The following VPS13B variants were observed in gnomAD, a reference collection of about 807,000 sequenced individuals.
VPS13B encodes the protein intermembrane lipid transfer protein VPS13B.
In VPS13B, 285 loss-of-function variants were observed where a neutral mutation model predicts 426.4. That is an observed-to-expected ratio of 0.67 (90% confidence interval 0.61 to 0.74). VPS13B has a LOEUF of 0.74. VPS13B is among the 30% of genes least tolerant of loss of function. VPS13B has a pLI of 0.00. For missense variants in VPS13B, 4,537 were observed against 4,782.6 expected (o/e 0.95, Z 1.51); for synonymous variants, 1,676 against 1,676.4 (o/e 1.00, Z 0.01).
intron 19 of VPS13B, among the ~76,000 whole-genome samples, chr8:99,279,302 T>A (rs1226759045): frequency 1.3e-5 from 2 of 152,186 alleles, no homozygotes; most frequent in Non-Finnish European, 2.9e-5. Flanking sequence ...ATTATTATTA[T>A]TTTTTAGACA....
At chr8:99,437,101 A>G (rs145875583) in intron 22 of VPS13B, among the ~76,000 whole-genome samples, 19 of 152,308 alleles carry the variant, frequency 1.2e-4, no homozygotes, top group Admixed American at 2.6e-4. Context: ...CCTGCAAGTT[A>G]TCATCAGATA....
intron 58 of VPS13B, among the ~76,000 whole-genome samples, chr8:99,867,250 C>T (rs1456714575): frequency 2.7e-5 from 4 of 150,038 alleles, no homozygotes; most frequent in Admixed American, 6.6e-5. Context: ...CACTCCATCA[C>T]GAAAAAAAAA....
chr8:99,677,148 T>C (rs1404351370), intron 35 of VPS13B, among the ~76,000 whole-genome samples: 2 of 152,208 alleles, frequency 1.3e-5, no homozygotes, highest in Non-Finnish European at 2.9e-5. Flanking sequence ...CTAATTTTAA[T>C]AATTTATTTC....
intron 30 of VPS13B, among the ~76,000 whole-genome samples, chr8:99,537,451 C>T (rs1027104711): frequency 5.3e-5 from 8 of 152,068 alleles, no homozygotes; most frequent in African/African-American, 1.9e-4. Context: ...ATATACAATG[C>T]GAAAACATCT....
At position 99,424,631 on chromosome 8, in the gene VPS13B, A is replaced by G. The variant is rs1485636233; in HGVS notation, c.3083-6906A>G. 5.9e-5 allele frequency: 9 copies of G among 152,214 alleles called. 1 individual carries two copies. The highest frequency in any genetic ancestry group is 5.9e-4 in the Admixed American group (9 of 15,278). 9.4% of individuals were successfully genotyped at this position (152,214 alleles called of 1,614,324 possible). A position where few individuals can be genotyped will look rare whatever the true frequency, so the allele number is the denominator to read the frequency against. Reference sequence around the variant, plus strand: ...AGGAAAGATCTAAAATTGACACCCTAACATCACAATTAAAAGAACTAGAGA... The same window carrying G: ...AGGAAAGATCTAAAATTGACACCCTGACATCACAATTAAAAGAACTAGAGA... On this transcript the variant is annotated intron_variant, in intron 21 of 61. Transcript: ENST00000357162.
At chr8:99,620,986 C>CA (rs397892235) in intron 33 of VPS13B, among the ~76,000 whole-genome samples, 1,292 of 49,914 alleles carry the variant, frequency 0.026, 14 homozygotes, top group Non-Finnish European at 0.032. Flanking sequence ...AACTCCATCT[C>CA]AAAAAAAAAA....
chr8:99,262,765 T>A (rs182386302), intron 17 of VPS13B, among the ~76,000 whole-genome samples: 20 of 141,012 alleles, frequency 1.4e-4, no homozygotes, highest in Non-Finnish European at 2.9e-4. Context: ...ATGTTTTGGA[T>A]GGTCTGTTGT....
chr8:99,864,325 G>C (rs1044299049), intron 58 of VPS13B, among the ~76,000 whole-genome samples: 6 of 152,178 alleles, frequency 3.9e-5, no homozygotes, highest in African/African-American at 1.4e-4. Flanking sequence ...AAAGCAAGTG[G>C]ATTGCTTGAG....
At chr8:99,501,240 C>T (rs924664713) in intron 25 of VPS13B, among the ~76,000 whole-genome samples, 9 of 152,018 alleles carry the variant, frequency 5.9e-5, no homozygotes, top group African/African-American at 2.2e-4. Flanking sequence ...TAGTAAATAC[C>T]TTTGGACTTT....
intron 21 of VPS13B, among the ~76,000 whole-genome samples, chr8:99,410,624 T>G (rs1483252001): frequency 6.6e-6 from 1 of 152,000 alleles, no homozygotes. Flanking sequence ...GAATGTTTGT[T>G]ACATAGGTAT....
At chr8:99,204,395 C>G (rs1320665221) in intron 17 of VPS13B, among the ~76,000 whole-genome samples, 1 of 152,120 alleles carries the variant, frequency 6.6e-6, no homozygotes, top group Non-Finnish European at 1.5e-5. Flanking sequence ...AGACCTAAAA[C>G]CACAAAAACC....
chr8:99,790,434 A>C (rs1812482201), intron 43 of VPS13B, among the ~76,000 whole-genome samples: 1 of 152,170 alleles, frequency 6.6e-6, no homozygotes, highest in Non-Finnish European at 1.5e-5. Flanking sequence ...GCGTTTAAAT[A>C]TATACATTCT....
At chr8:99,741,316 T>G (rs1809712175) in intron 39 of VPS13B, among the ~76,000 whole-genome samples, 1 of 152,128 alleles carries the variant, frequency 6.6e-6, no homozygotes. Flanking sequence ...GCACCCAGAT[T>G]CATAAAGCAA....
chr8:99,254,429 C>T (rs908993960), intron 17 of VPS13B, among the ~76,000 whole-genome samples: 2 of 151,726 alleles, frequency 1.3e-5, no homozygotes, highest in Admixed American at 6.6e-5. Flanking sequence ...CCCCTCTATA[C>T]ATAAGGTGTA....
chr8:99,568,298 TA>T (rs200257163), intron 31 of VPS13B, among the ~76,000 whole-genome samples: 4,810 of 149,022 alleles, frequency 0.032, 117 homozygotes, highest in East Asian at 0.074. Context: ...TTATTATTAT[TA>T]TTTTTTTTTG....
At chr8:99,248,323 T>G (rs1365671802) in intron 17 of VPS13B, among the ~76,000 whole-genome samples, 2 of 152,166 alleles carry the variant, frequency 1.3e-5, no homozygotes, top group African/African-American at 4.8e-5. Flanking sequence ...TCCCCAAAAT[T>G]TCTTTCAATG....
Position 99,552,651 on chromosome 8 carries a change from A to G in VPS13B, c.4746-3799A>G, listed in dbSNP as rs146840060. On this transcript the variant is annotated intron_variant, in intron 30 of 61. Coordinates refer to ENST00000357162, the MANE Select transcript of VPS13B (RefSeq NM_152564.5). ...TTGATAAATTACCTTGTCCATTTCT[A>G]CATGAGCATAAGGAGAACTGTTGCT... 3.5e-3 allele frequency among the ~76,000 whole-genome samples: 526 copies of G among 151,678 alleles called. 3 individuals are homozygous for G. The highest frequency in any genetic ancestry group is 0.012 in the African/African-American group (499 of 41,428).
chr8:99,219,536 G>C lies in VPS13B; in HGVS notation c.2515+26479G>C, dbSNP rs191017571. Among the ~76,000 whole-genome samples the C allele has an allele frequency of 7.9e-5, 12 of 152,358 alleles. No individual in the cohort carries two copies. In the East Asian group the frequency reaches 2.3e-3, roughly 29 times the overall value. On this transcript the variant is annotated intron_variant, in intron 17 of 61. Coordinates refer to ENST00000357162, the MANE Select transcript of VPS13B (RefSeq NM_152564.5). ...ATGAATGGAGATTTATTGGATCATA[G>C]TTCTGGAGGCTGAGAGGTCAAATAT...
intron 19 of VPS13B, among the ~76,000 whole-genome samples, chr8:99,276,842 A>G (rs1201717728): frequency 6.6e-6 from 1 of 152,154 alleles, no homozygotes; most frequent in East Asian, 1.9e-4. Flanking sequence ...TTCAGTTACA[A>G]TTTTGATACC....
Sources: allele counts gnomAD v4.1 joint callset (sites outside exome capture counted in the v4.1 genomes callset), GRCh38; gene constraint gnomAD v4.1.1; transcripts MANE v1.5; gene names NCBI Gene and HGNC (gene_info 2026-07-23, HGNC 2026-07-21).